OPHN1: variants seen among roughly 807,000 people sequenced by gnomAD.
OPHN1 encodes the protein oligophrenin-1.
A neutral mutation model predicts 60.7 loss-of-function variants in OPHN1; 11 were observed. The ratio of observed to expected loss-of-function variants is 0.18; its 90% CI spans 0.11 to 0.30. The LOEUF (loss-of-function observed/expected upper bound fraction) is 0.30. Ranked by LOEUF, OPHN1 falls within the 10% of genes least tolerant of loss-of-function variation. The pLI is 1.00. For synonymous variants in OPHN1, 226 were observed against 222.6 expected, an observed-to-expected ratio of 1.02 and a Z score of -0.14; for missense variants, 449 against 611.0, an observed-to-expected ratio of 0.73 and a Z score of 2.80.
chrX:68,416,051 TATATATATATATATATAGAGAGAGAG>T (rs1453894403), intron 2 of OPHN1, among the ~76,000 whole-genome samples: 98 of 24,397 alleles, frequency 4.0e-3, no homozygotes, highest in Middle Eastern at 0.029. Context: ...TATATATATA[TATATATATATATATATAGAGAGAGAG>T]AGAGAGAGAG....
intron 5 of OPHN1, among the ~76,000 whole-genome samples, chrX:68,255,587 A>G (rs1337206218): frequency 9.0e-6 from 1 of 111,609 alleles, no homozygotes; most frequent in East Asian, 2.8e-4. Context: ...GAAGAGGAAG[A>G]GGGAATGCCT....
At chrX:68,063,120 T>A (rs1416669044) in intron 21 of OPHN1, among the ~76,000 whole-genome samples, 4 of 110,345 alleles carry the variant, frequency 3.6e-5, no homozygotes, top group Admixed American at 9.7e-5. Flanking sequence ...AAGATTTAGA[T>A]CCCAGCTCTG....
intron 15 of OPHN1, among the ~76,000 whole-genome samples, chrX:68,159,056 C>T (rs1187023701): frequency 1.8e-5 from 2 of 111,185 alleles, no homozygotes; most frequent in African/African-American, 6.6e-5. Context: ...TGTCCCCACC[C>T]CTACCTCCCA....
intron 5 of OPHN1, among the ~76,000 whole-genome samples, chrX:68,239,229 T>C (rs1221960959): frequency 9.3e-6 from 1 of 107,886 alleles, no homozygotes; most frequent in Non-Finnish European, 1.9e-5. Context: ...TGTCTGCCGG[T>C]GTCCTCCTGG....
chrX:68,262,790 C>T (rs778584812), intron 5 of OPHN1, among the ~76,000 whole-genome samples: 12 of 106,710 alleles, frequency 1.1e-4, no homozygotes, highest in Admixed American at 5.2e-4. Context: ...TCCGACAGAA[C>T]GGAAAGGACA....
At chrX:68,202,668 T>C (rs2077540248) in intron 10 of OPHN1, among the ~76,000 whole-genome samples, 1 of 109,532 alleles carries the variant, frequency 9.1e-6, no homozygotes, top group South Asian at 4.1e-4. Context: ...GGCTAATTTT[T>C]GTATTTTTAG....
At chrX:68,328,092 G>A (rs2078275227) in intron 2 of OPHN1, among the ~76,000 whole-genome samples, 1 of 96,463 alleles carries the variant, frequency 1.0e-5, no homozygotes, top group African/African-American at 4.0e-5. Context: ...GCCTCCCAAA[G>A]TGCTGGGATT....
intron 21 of OPHN1, among the ~76,000 whole-genome samples, chrX:68,054,802 T>C (rs1004348044): frequency 8.1e-5 from 9 of 111,554 alleles, no homozygotes; most frequent in African/African-American, 2.6e-4. Flanking sequence ...AAAGTGCTCA[T>C]GGCCTGATGA....
chrX:68,218,767 C>T (rs1345708784), intron 6 of OPHN1, among the ~76,000 whole-genome samples: 1 of 94,520 alleles, frequency 1.1e-5, no homozygotes, highest in African/African-American at 3.8e-5. Flanking sequence ...CTTACAAGAG[C>T]TCCTGAAGGA....
chrX:68,047,553 A>G (rs1268866854), intron 24 of OPHN1, among the ~76,000 whole-genome samples: 2 of 111,575 alleles, frequency 1.8e-5, no homozygotes, highest in East Asian at 5.6e-4. Context: ...AAGCTTATCT[A>G]CCCACGGACC....
chrX:68,263,768 G>C (rs1165694220), intron 5 of OPHN1, among the ~76,000 whole-genome samples: 1 of 111,582 alleles, frequency 9.0e-6, no homozygotes, highest in Non-Finnish European at 1.9e-5. Flanking sequence ...CCAATAGAAA[G>C]ATAATGCAAG....
intron 10 of OPHN1, 86 bp downstream of exon 10, chrX:68,206,487 T>C: frequency 2.8e-6 from 2 of 708,481 alleles, no homozygotes; most frequent in East Asian, 3.2e-5. Flanking sequence ...ATGAACTTGA[T>C]GATTTGATAC....
intron 2 of OPHN1, among the ~76,000 whole-genome samples, chrX:68,404,349 AG>A (rs2078730723): frequency 9.0e-6 from 1 of 110,606 alleles, no homozygotes; most frequent in African/African-American, 3.3e-5. Context: ...TAGTAAAGAC[AG>A]GGTTTCACCA....
intron 3 of OPHN1, among the ~76,000 whole-genome samples, chrX:68,298,362 C>T (rs540427863): frequency 3.6e-5 from 4 of 111,784 alleles, no homozygotes; most frequent in African/African-American, 1.3e-4. Context: ...CTGGAATAGG[C>T]CCAGGGGTTT....
chrX:68,356,728 A>G (rs1428893350), intron 2 of OPHN1, among the ~76,000 whole-genome samples: 2 of 111,116 alleles, frequency 1.8e-5, no homozygotes, highest in Non-Finnish European at 3.8e-5. Flanking sequence ...TTCTGTATAT[A>G]TATATAGATA....
At chrX:68,314,342 T>TCA (rs1412049890) in intron 2 of OPHN1, among the ~76,000 whole-genome samples, 1 of 109,564 alleles carries the variant, frequency 9.1e-6, no homozygotes, top group Non-Finnish European at 1.9e-5. Flanking sequence ...ACCAACAAGG[T>TCA]GAAACCCCAT....
intron 2 of OPHN1, among the ~76,000 whole-genome samples, chrX:68,409,990 C>T (rs920121568): frequency 9.0e-6 from 1 of 111,465 alleles, no homozygotes; most frequent in African/African-American, 3.3e-5. Context: ...CTCCTAATGC[C>T]ACTGTCCAAA....
chrX:68,186,112 G>T (rs1237150100), intron 15 of OPHN1, among the ~76,000 whole-genome samples: 1 of 111,109 alleles, frequency 9.0e-6, no homozygotes, highest in Non-Finnish European at 1.9e-5. Context: ...AGTTTATTTT[G>T]GGAGAAAAAT....
intron 2 of OPHN1, among the ~76,000 whole-genome samples, chrX:68,372,978 G>T (rs1367816063): frequency 8.9e-6 from 1 of 111,947 alleles, no homozygotes; most frequent in Non-Finnish European, 1.9e-5. Context: ...AGAGTTGCTG[G>T]GGAGCCTACA....
Sources: allele counts gnomAD v4.1 joint callset (sites outside exome capture counted in the v4.1 genomes callset), GRCh38; gene constraint gnomAD v4.1.1; transcripts MANE v1.5; gene names NCBI Gene and HGNC (gene_info 2026-07-23, HGNC 2026-07-21).